The following TMTC2 variants were observed in gnomAD, a reference collection of about 807,000 sequenced individuals.
The protein encoded by TMTC2 is protein O-mannosyl-transferase TMTC2.
A neutral mutation model predicts 82.4 loss-of-function variants in TMTC2; 43 were observed. The ratio of observed to expected loss-of-function variants is 0.52; its 90% CI spans 0.41 to 0.67. TMTC2 has a LOEUF of 0.67. TMTC2 is among the 30% of genes least tolerant of loss of function. The pLI, the probability that TMTC2 is intolerant of heterozygous loss-of-function variation, is 0.00. For missense variants in TMTC2, 919 were observed against 1,012.4 expected (o/e 0.91, Z 1.25); for synonymous variants, 408 against 381.9 (o/e 1.07, Z -0.80).
At chr12:82,920,578 A>G (rs537646330) in intron 3 of TMTC2, among the ~76,000 whole-genome samples, 1 of 152,312 alleles carries the variant, frequency 6.6e-6, no homozygotes, top group African/African-American at 2.4e-5. Flanking sequence ...GTTTAGTTTA[A>G]TATCAATGTG....
At chr12:83,115,785 T>C (rs534743282) in intron 11 of TMTC2, among the ~76,000 whole-genome samples, 20 of 151,674 alleles carry the variant, frequency 1.3e-4, no homozygotes, top group Admixed American at 3.3e-4. Flanking sequence ...GTAGTTTCTG[T>C]TGTTGTTGTT....
At chr12:83,018,049 G>GTATA (rs760450921) in intron 8 of TMTC2, among the ~76,000 whole-genome samples, 2 of 147,570 alleles carry the variant, frequency 1.4e-5, no homozygotes, top group African/African-American at 5.0e-5. Flanking sequence ...GTGTGTGTAT[G>GTATA]TATATATATA....
chr12:83,053,058 C>A (rs1446561061), intron 10 of TMTC2, among the ~76,000 whole-genome samples: 2 of 152,110 alleles, frequency 1.3e-5, no homozygotes, highest in African/African-American at 4.8e-5. Flanking sequence ...AAGCTGAATA[C>A]CAGTCTGTTT....
intron 1 of TMTC2, among the ~76,000 whole-genome samples, chr12:82,811,807 CTTTTTTT>C (rs1171596880): frequency 6.6e-5 from 6 of 91,096 alleles, no homozygotes; most frequent in African/African-American, 1.3e-4. Context: ...TGCTCTCCTT[CTTTTTTT>C]TTTTTTTTTT....
At chr12:82,744,581 T>TA (rs369793885) in intron 1 of TMTC2, among the ~76,000 whole-genome samples, 2 of 115,520 alleles carry the variant, frequency 1.7e-5, no homozygotes, top group African/African-American at 3.2e-5. Flanking sequence ...ACTCTGACTC[T>TA]AAAAAAAAAA....
At chr12:82,907,380 C>G (rs1358992970) in intron 3 of TMTC2, among the ~76,000 whole-genome samples, 1 of 151,598 alleles carries the variant, frequency 6.6e-6, no homozygotes, top group Non-Finnish European at 1.5e-5. Flanking sequence ...GGATAATTGC[C>G]TGAGCCGGGC....
intron 2 of TMTC2, among the ~76,000 whole-genome samples, chr12:82,889,933 G>A (rs1873312729): frequency 6.6e-6 from 1 of 150,636 alleles, no homozygotes; most frequent in African/African-American, 2.4e-5. Flanking sequence ...AAGTATCCTT[G>A]TATTTAGATC....
chr12:82,941,263 A>G (rs970562186), intron 4 of TMTC2, among the ~76,000 whole-genome samples: 2 of 152,108 alleles, frequency 1.3e-5, no homozygotes, highest in Non-Finnish European at 2.9e-5. Flanking sequence ...TTCCTGCCTC[A>G]GCCTCCCCAG....
intron 1 of TMTC2, among the ~76,000 whole-genome samples, chr12:82,845,939 G>GT (rs1870637517): frequency 3.9e-5 from 5 of 127,304 alleles, no homozygotes; most frequent in Non-Finnish European, 7.6e-5. Flanking sequence ...TGTTTTTTGT[G>GT]TTTGTTTTTT....
At chr12:82,987,890 C>G (rs893431169) in intron 8 of TMTC2, among the ~76,000 whole-genome samples, 3 of 152,030 alleles carry the variant, frequency 2.0e-5, no homozygotes, top group Non-Finnish European at 4.4e-5. Flanking sequence ...AAAGTATCTG[C>G]TGGGAATTTG....
At chr12:82,906,129 T>C (rs959210514) in intron 3 of TMTC2, among the ~76,000 whole-genome samples, 2 of 152,102 alleles carry the variant, frequency 1.3e-5, no homozygotes, top group African/African-American at 4.8e-5. Context: ...AACTCACAAT[T>C]TAAGTGAAAC....
rs17009990 is a variant in TMTC2 at position 82,794,326 on chromosome 12, C to T, written c.84-62684C>T. 6.4e-3 allele frequency among the ~76,000 whole-genome samples: 973 copies of T among 152,196 alleles called. 9 individuals are homozygous for T. The highest frequency in any genetic ancestry group is 0.022 in the African/African-American group (926 of 41,528). ...TTGTTCTTGAAAGGTATAAATGATG[C>T]ACGTTTCCCCTCTTCCCCATCTACC... is the stretch of plus-strand genomic sequence containing the variant. On this transcript the variant is annotated intron_variant, in intron 1 of 11. Coordinates refer to ENST00000321196, the MANE Select transcript of TMTC2 (RefSeq NM_152588.3).
At chr12:82,724,492 G>C (rs1199044610) in intron 1 of TMTC2, among the ~76,000 whole-genome samples, 1 of 152,182 alleles carries the variant, frequency 6.6e-6, no homozygotes, top group Non-Finnish European at 1.5e-5. Context: ...AAAAGTGGCA[G>C]TTCCCCTGCG....
intron 4 of TMTC2, among the ~76,000 whole-genome samples, chr12:82,948,786 C>T (rs1211576670): frequency 2.6e-5 from 4 of 152,070 alleles, no homozygotes; most frequent in Admixed American, 6.5e-5. Flanking sequence ...GGAATCTTGC[C>T]GTGAAGCTTT....
intron 8 of TMTC2, among the ~76,000 whole-genome samples, chr12:83,029,229 G>T (rs1403075797): frequency 6.6e-6 from 1 of 152,134 alleles, no homozygotes; most frequent in Admixed American, 6.6e-5. Context: ...CCAACCCACA[G>T]CCTGCAGACA....
At chr12:82,833,909 A>G (rs1032897183) in intron 1 of TMTC2, among the ~76,000 whole-genome samples, 2 of 152,224 alleles carry the variant, frequency 1.3e-5, no homozygotes, top group African/African-American at 4.8e-5. Flanking sequence ...ATAATTACCC[A>G]GTAGATCTCT....
intron 1 of TMTC2, among the ~76,000 whole-genome samples, chr12:82,804,435 A>C (rs1311075758): frequency 2.0e-5 from 3 of 152,176 alleles, no homozygotes; most frequent in African/African-American, 2.4e-5. Flanking sequence ...ACTTTTTCTG[A>C]AAGATAAATC....
intron 10 of TMTC2, among the ~76,000 whole-genome samples, chr12:83,060,268 A>G (rs974711374): frequency 4.0e-5 from 6 of 151,798 alleles, no homozygotes; most frequent in African/African-American, 1.4e-4. Context: ...TTGAAAAATT[A>G]GAAAAATATG....
At chr12:82,918,182 T>G (rs1875129907) in intron 3 of TMTC2, among the ~76,000 whole-genome samples, 1 of 152,170 alleles carries the variant, frequency 6.6e-6, no homozygotes, top group African/African-American at 2.4e-5. Flanking sequence ...AGTACTAGAT[T>G]ATAGGTATGA....
Sources: gnomAD v4.1 joint callset for allele counts (sites outside exome capture counted in the v4.1 genomes callset) on GRCh38, gnomAD v4.1.1 for gene constraint, MANE v1.5 for transcripts, NCBI Gene and HGNC (gene_info 2026-07-23, HGNC 2026-07-21) for gene names.